The following DCST1 variants were observed in gnomAD, a reference collection of about 807,000 sequenced individuals.
DCST1 encodes the protein E3 ubiquitin-protein ligase DCST1.
In DCST1, 78 loss-of-function variants were observed where a neutral mutation model predicts 89.1. The observed-to-expected ratio is 0.88, with a 90% confidence interval of 0.73 to 1.06. The LOEUF (loss-of-function observed/expected upper bound fraction) is 1.06. Among genes scored for constraint, DCST1 ranks in the 50% least tolerant of loss-of-function variants. DCST1 has a pLI of 0.00. For missense variants in DCST1, 900 were observed against 928.6 expected, an observed-to-expected ratio of 0.97 and a Z score of 0.40; for synonymous variants, 364 against 371.9, an observed-to-expected ratio of 0.98 and a Z score of 0.24.
At position 155,040,399 on chromosome 1, in the gene DCST1, G is replaced by C. The variant is rs1034530749; in HGVS notation, c.392-86G>C. 2.1e-6 allele frequency: 3 copies of C among 1,455,078 alleles called. 1 individual carries two copies. The highest frequency in any genetic ancestry group is 2.7e-5 in the South Asian group (2 of 74,304). The allele number at this position is 1,455,078 out of a possible 1,614,324, so 90.1% of individuals were successfully genotyped here. Reference sequence around the variant, plus strand: ...CCACCACTGTATAGTTCTAGGCGATGGGCACTATTTGCAGAGGGAAGCTGA... The same window carrying C: ...CCACCACTGTATAGTTCTAGGCGATCGGCACTATTTGCAGAGGGAAGCTGA... On this transcript the variant is annotated intron_variant, in intron 5 of 16. Transcript: ENST00000295542.
chr1:155,039,104 G>A (rs561653190), intron 4 of DCST1, among the ~76,000 whole-genome samples: 32 of 152,278 alleles, frequency 2.1e-4, no homozygotes, highest in African/African-American at 7.5e-4. Context: ...ACTGTAGCCC[G>A]GAAAACCTTG....
intron 8 of DCST1, among the ~76,000 whole-genome samples, chr1:155,042,167 C>T (rs1446744861): frequency 3.3e-5 from 5 of 152,058 alleles, no homozygotes; most frequent in Admixed American, 6.6e-5. Context: ...GGCGCAATCT[C>T]GGCTCACCGC....
chr1:155,044,642 C>T (rs1428199738), intron 10 of DCST1, among the ~76,000 whole-genome samples: 2 of 152,144 alleles, frequency 1.3e-5, no homozygotes, highest in Non-Finnish European at 1.5e-5. Context: ...TCCAAATGGC[C>T]GCAGATGCGG....
chr1:155,036,267 C>T (rs1660276521), intron 4 of DCST1, among the ~76,000 whole-genome samples: 1 of 152,200 alleles, frequency 6.6e-6, no homozygotes, highest in South Asian at 2.1e-4. Context: ...TGGATACCAA[C>T]AGGAGACTAC....
chr1:155,034,148 A>C (rs532048912), intron 2 of DCST1, 51 bp downstream of exon 2: 8 of 1,607,420 alleles, frequency 5.0e-6, no homozygotes, highest in Middle Eastern at 1.6e-4. Context: ...CTCTCATCCC[A>C]TCTCTCCTCC....
chr1:155,047,860 G>C lies in DCST1; in HGVS notation c.1686G>C (p.Val562=). 1.2e-6 allele frequency: 2 copies of C among 1,614,192 alleles called. No individual in the cohort carries two copies. ...CTGCAGTACCGATTGGCCTGTTAGT[G>C]TGTCTCTGCCTGTTACAGGCTTTTG... The part of the protein sequence containing the change: ...WRAAVPIGLL[V]CLCLLQAFGY... Residue 562 remains valine (V), a synonymous_variant, in exon 15 of 17, where the codon GTG becomes GTC. Coordinates refer to ENST00000295542, the MANE Select transcript of DCST1 (RefSeq NM_152494.4).
chr1:155,045,920 C>A lies in DCST1; in HGVS notation c.1200C>A (p.Asn400Lys). The change falls in exon 11 of 17, where the codon AAC (asparagine) becomes AAA (lysine). Residue 400 changes from asparagine to lysine, a missense_variant. By Grantham distance (94) the Asn-to-Lys change is moderately conservative. Coordinates refer to ENST00000295542, the MANE Select transcript of DCST1 (RefSeq NM_152494.4). ...CTTTCTCCTACATGGACAGCTATAA[C>A]CATGACATTCGTTTTGACAACATCT... is the stretch of plus-strand genomic sequence containing the variant. The part of the protein sequence containing the change: ...HASFSYMDSY[N>K]HDIRFDNIYI... The A allele has an allele frequency of 6.2e-7, 1 of 1,614,202 alleles. No individual in the cohort carries two copies. Among genetic ancestry groups the A allele is most frequent in the Non-Finnish European group, 8.5e-7 (1 of 1,180,028 alleles).
At chr1:155,041,923 T>G in intron 8 of DCST1, 66 bp downstream of exon 8, 1 of 1,597,450 alleles carries the variant, frequency 6.3e-7, no homozygotes, top group Non-Finnish European at 8.5e-7. Context: ...GACCCACTGG[T>G]AGGTGACAGG....
In DCST1 at chr1:155,039,536, G is replaced by A. The variant is rs758329696; in HGVS notation, c.391+5G>A. On this transcript the variant is annotated splice_donor_5th_base_variant and intron_variant, in intron 5 of 16. Coordinates refer to ENST00000295542, the MANE Select transcript of DCST1 (RefSeq NM_152494.4). ...CCTTGGCTGCCATCTATGTGGGTGA[G>A]TATGTGGGGGCCAGTGAGTTACACT... The A allele has an allele frequency of 6.3e-6, 10 of 1,579,644 alleles. No homozygotes were observed. The highest frequency in any genetic ancestry group is 8.6e-6 in the Non-Finnish European group (10 of 1,161,796).
At position 155,050,921 on chromosome 1, in the gene DCST1, C is replaced by G; in HGVS notation, c.*53C>G. The G allele has an allele frequency of 1.3e-6, 2 of 1,578,376 alleles. No homozygotes were observed. The highest frequency in any genetic ancestry group is 1.7e-6 in the Non-Finnish European group (2 of 1,155,962). On this transcript the variant is annotated 3_prime_UTR_variant, in exon 17 of 17. Coordinates refer to ENST00000295542, the MANE Select transcript of DCST1 (RefSeq NM_152494.4). ...CGTCCTTCCCGGTTAATAAAATGCCCTGTACGCTTCACGTGGGTCGGGGAC... is the reference window on the plus strand; with the variant it reads ...CGTCCTTCCCGGTTAATAAAATGCCGTGTACGCTTCACGTGGGTCGGGGAC...
rs997098286 is a variant in DCST1 at position 155,034,559 on chromosome 1, A to G, written c.186A>G (p.Ile62Met). Residue 62 changes from isoleucine (I) to methionine (M), a missense_variant and splice_region_variant, in exon 3 of 17, where the codon ATA becomes ATG. Physicochemically the swap from Ile to Met is conservative, Grantham distance 10 (BLOSUM62 1). Transcript: ENST00000295542. ...LGAGAGGLLA[I>M]GLFQLLVNPM... ...CAGGCGCTGGGGGGCTCCTGGCCAT[A>G]GGTGAGTGTGGAAGCAGAAAGTTCG... 6.2e-7 allele frequency: 1 copy of G among 1,613,724 alleles called. No homozygotes were observed. Among genetic ancestry groups the G allele is most frequent in the African/African-American group, 1.3e-5 (1 of 74,896 alleles).
chr1:155,042,875 G>C lies in DCST1; in HGVS notation c.1014+19G>C, dbSNP rs775037838. The C allele has an allele frequency of 7.4e-6, 12 of 1,613,894 alleles. No individual in the cohort carries two copies. The East Asian group carries it at 8.9e-5, about 12-fold the overall frequency. Reference sequence around the variant, plus strand: ...CTTCAAGGTAGAAGGCAAGGGCGAGGGTTGGTGGGGGGTAGATAGGGAGTG... The same window carrying C: ...CTTCAAGGTAGAAGGCAAGGGCGAGCGTTGGTGGGGGGTAGATAGGGAGTG... On this transcript the variant is annotated intron_variant, in intron 9 of 16. Coordinates refer to ENST00000295542, the MANE Select transcript of DCST1 (RefSeq NM_152494.4).
chr1:155,044,876 G>A (rs1040032164), intron 10 of DCST1, among the ~76,000 whole-genome samples: 2 of 152,186 alleles, frequency 1.3e-5, no homozygotes, highest in African/African-American at 2.4e-5. Flanking sequence ...GCCTGGCCCG[G>A]GTAGAGCATG....
In DCST1 at chr1:155,050,762, C is replaced by T; in HGVS notation, c.2015C>T (p.Ser672Leu). The T allele has an allele frequency of 6.2e-7, 1 of 1,611,488 alleles. No individual in the cohort carries two copies. Among genetic ancestry groups the T allele is most frequent in the Non-Finnish European group, 8.5e-7 (1 of 1,179,046 alleles). ...TLDCEAVYCW[S>L]CWDDMRQRCP... ...GACTGCGAGGCCGTGTACTGCTGGT[C>T]GTGCTGGGACGACATGCGGCAGCGG... The change falls in exon 17 of 17, where the codon TCG becomes TTG. Residue 672 changes from serine (S) to leucine (L), a missense_variant. Physicochemically the swap from Ser to Leu is moderately radical, Grantham distance 145 (BLOSUM62 -2). Transcript: ENST00000295542.
At position 155,033,841 on chromosome 1, in the gene DCST1, T is replaced by C. The variant is rs1660183653; in HGVS notation, c.-79T>C. On this transcript the variant is annotated 5_prime_UTR_variant, in exon 1 of 17. Transcript: ENST00000295542. ...GAATCCTTGACCCAGTTCCGAGGAC[T>C]GGAGAGGGGATAGGTAGGTCTCTAA... The C allele has an allele frequency of 2.2e-6, 3 of 1,362,522 alleles. No individual in the cohort carries two copies. In the African/African-American group the frequency reaches 4.4e-5, roughly 20 times the overall value. 84.4% of individuals were successfully genotyped at this position (1,362,522 alleles called of 1,614,324 possible).
rs1302891573 is a variant in DCST1 at position 155,039,527 on chromosome 1, T to C, written c.387T>C (p.Tyr129=). ...FVLGYALAAI[Y]VGPVANLRHN... ...TGGGATACGCCTTGGCTGCCATCTA[T>C]GTGGGTGAGTATGTGGGGGCCAGTG... Residue 129 remains tyrosine (Y), a synonymous_variant, in exon 5 of 17, where the codon TAT becomes TAC. Transcript: ENST00000295542. 1.3e-6 allele frequency: 2 copies of C among 1,592,810 alleles called. No individual in the cohort carries two copies. Among genetic ancestry groups the C allele is most frequent in the African/African-American group, 2.7e-5 (2 of 74,272 alleles).
At chr1:155,042,032 G>T (rs1205608978) in intron 8 of DCST1, among the ~76,000 whole-genome samples, 175 bp downstream of exon 8, 1 of 152,226 alleles carries the variant, frequency 6.6e-6, no homozygotes, top group African/African-American at 2.4e-5. Flanking sequence ...GTGAGTTACA[G>T]CAAAGCTCTG....
chr1:155,045,052 G>C (rs1660571825), intron 10 of DCST1: 2 of 152,260 alleles, frequency 1.3e-5, no homozygotes, highest in Non-Finnish European at 2.9e-5. Flanking sequence ...GCAGGCCCTG[G>C]CTCAGGAAGC....
intron 4 of DCST1, among the ~76,000 whole-genome samples, chr1:155,038,766 T>C (rs1660345224): frequency 6.6e-6 from 1 of 152,196 alleles, no homozygotes; most frequent in Non-Finnish European, 1.5e-5. Flanking sequence ...CACAGCGCTC[T>C]ATAAGCACCT....
Sources: allele counts gnomAD v4.1 joint callset (sites outside exome capture counted in the v4.1 genomes callset), GRCh38; gene constraint gnomAD v4.1.1; transcripts MANE v1.5; gene names NCBI Gene and HGNC (gene_info 2026-07-23, HGNC 2026-07-21).